Variants in POGZ observed in about 807,000 individuals in gnomAD.
POGZ encodes pogo transposable element derived with ZNF domain.
A neutral mutation model predicts 134.6 loss-of-function variants in POGZ; 17 were observed. The observed-to-expected ratio is 0.13, with a 90% CI of 0.09 to 0.19. The LOEUF is 0.19. Among genes scored for constraint, POGZ ranks in the 10% least tolerant of loss-of-function variants. The pLI, the probability that POGZ is intolerant of heterozygous loss-of-function variation, is 1.00. For synonymous variants in POGZ, 693 were observed against 657.1 expected, an observed-to-expected ratio of 1.05 and a Z score of -0.84; for missense variants, 1,306 against 1,769.7, an observed-to-expected ratio of 0.74 and a Z score of 4.70.
intron 12 of POGZ, among the ~76,000 whole-genome samples, chr1:151,410,376 C>G (rs1459808205): frequency 6.6e-6 from 1 of 152,186 alleles, no homozygotes; most frequent in African/African-American, 2.4e-5. Flanking sequence ...TGGCTCTCAT[C>G]AATGTTGCTA....
At chr1:151,445,534 A>AG (rs1218932385) in intron 1 of POGZ, among the ~76,000 whole-genome samples, 1 of 151,756 alleles carries the variant, frequency 6.6e-6, no homozygotes, top group African/African-American at 2.4e-5. Flanking sequence ...AAAAAAAAAA[A>AG]AAAAGAAAAA....
At chr1:151,411,534 A>C in intron 12 of POGZ, 91 bp downstream of exon 12, 1 of 885,350 alleles carries the variant, frequency 1.1e-6, no homozygotes, top group Non-Finnish European at 1.8e-6. Context: ...ATCTCTGCCC[A>C]AATTATTTGC....
chr1:151,443,158 T>C (rs1025662073), intron 1 of POGZ, among the ~76,000 whole-genome samples: 3 of 152,228 alleles, frequency 2.0e-5, no homozygotes, highest in African/African-American at 4.8e-5. Context: ...CTGTTCATTA[T>C]GGATTGTTCT....
At chr1:151,437,337 T>C (rs1659790876) in intron 3 of POGZ, among the ~76,000 whole-genome samples, 1 of 152,170 alleles carries the variant, frequency 6.6e-6, no homozygotes, top group Non-Finnish European at 1.5e-5. Flanking sequence ...GTTAGCTCTG[T>C]TTTTGTATTT....
chr1:151,428,713 A>G (rs1355940998), intron 5 of POGZ, among the ~76,000 whole-genome samples: 1 of 152,196 alleles, frequency 6.6e-6, no homozygotes, highest in African/African-American at 2.4e-5. Flanking sequence ...TACTGGAAGA[A>G]AAGAGTGGGA....
intron 1 of POGZ, among the ~76,000 whole-genome samples, chr1:151,445,932 G>A (rs2102390561): frequency 6.6e-6 from 1 of 151,322 alleles, no homozygotes; most frequent in Non-Finnish European, 1.5e-5. Flanking sequence ...TTATCAAAAG[G>A]AAATCTTATA....
At chr1:151,420,742 A>G (rs1396072648) in intron 10 of POGZ, among the ~76,000 whole-genome samples, 3 of 152,174 alleles carry the variant, frequency 2.0e-5, no homozygotes, top group Non-Finnish European at 1.5e-5. Flanking sequence ...TTAGATTTGT[A>G]TTTCAAAAGA....
At chr1:151,409,221 AC>A (rs1343497957) in intron 12 of POGZ, among the ~76,000 whole-genome samples, 2 of 151,866 alleles carry the variant, frequency 1.3e-5, no homozygotes, top group African/African-American at 4.9e-5. Flanking sequence ...CTAAAGTCAT[AC>A]TTTTTTTTCT....
At chr1:151,440,348 A>G (rs1660331534) in intron 3 of POGZ, among the ~76,000 whole-genome samples, 1 of 152,136 alleles carries the variant, frequency 6.6e-6, no homozygotes, top group African/African-American at 2.4e-5. Flanking sequence ...ATCTTGAGAC[A>G]TAACTGGTCA....
intron 1 of POGZ, among the ~76,000 whole-genome samples, chr1:151,451,606 G>A (rs1322805111): frequency 6.6e-6 from 1 of 151,808 alleles, no homozygotes; most frequent in African/African-American, 2.4e-5. Context: ...GATTACAGGT[G>A]TGAGGCACCG....
At chr1:151,443,083 T>A (rs1660783905) in intron 1 of POGZ, among the ~76,000 whole-genome samples, 1 of 152,188 alleles carries the variant, frequency 6.6e-6, no homozygotes, top group African/African-American at 2.4e-5. Flanking sequence ...AGGGTTAGGA[T>A]GAGGACAGTG....
chr1:151,435,958 C>CTTTTTTTTTTTTTTTTTTTTTTGT (rs58367755), intron 3 of POGZ, among the ~76,000 whole-genome samples: 1 of 134,820 alleles, frequency 7.4e-6, no homozygotes, highest in African/African-American at 2.7e-5. Context: ...ATTTTCTTTT[C>CTTTTTTTTTTTTTTTTTTTTTTGT]TTTTTTTTTT....
At chr1:151,430,584 G>T in intron 4 of POGZ, 82 bp downstream of exon 4, 1 of 1,066,458 alleles carries the variant, frequency 9.4e-7, no homozygotes, top group Non-Finnish European at 1.4e-6. Flanking sequence ...TTCTAATGAC[G>T]CCAAAGACCC....
chr1:151,455,034 G>A (rs1179159523), intron 1 of POGZ: 1 of 151,890 alleles, frequency 6.6e-6, no homozygotes, highest in Non-Finnish European at 1.5e-5. Context: ...TTGAACCCAG[G>A]AGGCGGAGGG....
At chr1:151,445,450 A>G (rs1198212337) in intron 1 of POGZ, among the ~76,000 whole-genome samples, 1 of 148,934 alleles carries the variant, frequency 6.7e-6, no homozygotes, top group Admixed American at 6.8e-5. Flanking sequence ...TGAACCCAGG[A>G]GGCAGAGGTT....
Position 151,440,934 on chromosome 1 carries a change from T to G in POGZ, c.277A>C (p.Asn93His). The G allele has an allele frequency of 6.2e-7, 1 of 1,613,044 alleles. No individual in the cohort carries two copies. Among genetic ancestry groups the G allele is most frequent in the South Asian group, 1.1e-5 (1 of 90,914 alleles). The change falls in exon 3 of 19, where the codon AAC (asparagine) becomes CAC (histidine). Residue 93 changes from asparagine (N) to histidine (H), a missense_variant. Transcript: ENST00000271715. ...TCCCAATAATCCCACTTACCATTGT[T>G]GTTGGCAATTAGTGTGACAAGAGTC... ...KKTLVTLIAN[N>H]NAGNPLVQQG...
intron 4 of POGZ, 25 bp downstream of exon 4, chr1:151,430,641 C>T: frequency 6.3e-7 from 1 of 1,578,898 alleles, no homozygotes; most frequent in Non-Finnish European, 8.6e-7. Flanking sequence ...CCTCTAGCAA[C>T]CTTGGAATTC....
At chr1:151,417,884 C>T (rs1047092791) in intron 10 of POGZ, among the ~76,000 whole-genome samples, 1 of 152,124 alleles carries the variant, frequency 6.6e-6, no homozygotes, top group African/African-American at 2.4e-5. Context: ...GGTATCTGCA[C>T]TCCCATGTTT....
rs1423352980 is a variant in POGZ at position 151,403,501 on chromosome 1, GCTC to G, written c.*1298_*1300del. On this transcript the variant is annotated 3_prime_UTR_variant, in exon 19 of 19. Coordinates refer to ENST00000271715, the MANE Select transcript of POGZ (RefSeq NM_015100.4). ...GGATAAACAGAAGACTTGGTTTTTTGCTCCTTTTCTCTGTACGGTACAGTACGT... is the reference window on the plus strand; with the variant it reads ...GGATAAACAGAAGACTTGGTTTTTTGCTTTTCTCTGTACGGTACAGTACGT... 1 of 985,672 alleles carries G rather than the reference GCTC, an allele frequency of 1.0e-6. No homozygotes were observed. Among genetic ancestry groups the G allele is most frequent in the Non-Finnish European group, 1.2e-6 (1 of 829,866 alleles). The allele number at this position is 985,672 out of a possible 1,614,324, so 61.1% of individuals were successfully genotyped here.
Sources: allele counts gnomAD v4.1 joint callset (sites outside exome capture counted in the v4.1 genomes callset), GRCh38; gene constraint gnomAD v4.1.1; transcripts MANE v1.5; gene names NCBI Gene and HGNC (gene_info 2026-07-23, HGNC 2026-07-21).